SORCS1: variants seen among roughly 807,000 people sequenced by gnomAD.
SORCS1 encodes the protein VPS10 domain-containing receptor SorCS1.
SORCS1 carries 60 observed loss-of-function variants against 146.1 expected under a neutral mutation model. The ratio of observed to expected loss-of-function variants is 0.41; its 90% CI spans 0.33 to 0.51. The LOEUF is 0.51. Among genes scored for constraint, SORCS1 ranks in the 20% least tolerant of loss-of-function variants. SORCS1 has a pLI of 0.21. For synonymous variants in SORCS1, 637 were observed against 584.0 expected (o/e 1.09, Z -1.31); for missense variants, 1,352 against 1,487.6 (o/e 0.91, Z 1.50).
chr10:107,150,365 A>C (rs530317557), intron 1 of SORCS1, among the ~76,000 whole-genome samples: 71 of 152,298 alleles, frequency 4.7e-4, no homozygotes, highest in African/African-American at 1.4e-3. Flanking sequence ...CTCTTAAGAG[A>C]TTCTTAATAA....
At chr10:106,611,809 G>GGGTA in intron 22 of SORCS1, 102 bp downstream of exon 22, 1 of 573,684 alleles carries the variant, frequency 1.7e-6, no homozygotes, top group Non-Finnish European at 2.8e-6. Flanking sequence ...CTTCCTGCTG[G>GGGTA]GTTAGTTTGT....
intron 18 of SORCS1, among the ~76,000 whole-genome samples, chr10:106,641,814 T>A (rs1849087563): frequency 6.6e-6 from 1 of 152,012 alleles, no homozygotes; most frequent in African/African-American, 2.4e-5. Flanking sequence ...ATTTAGATAA[T>A]TTATTATTAA....
intron 6 of SORCS1, among the ~76,000 whole-genome samples, chr10:106,716,349 C>T (rs12267167): frequency 0.036 from 5,509 of 152,210 alleles, 295 homozygotes; most frequent in African/African-American, 0.12. Context: ...AGAAGGTCAT[C>T]AACCAAGCTC....
intron 24 of SORCS1, among the ~76,000 whole-genome samples, chr10:106,583,088 G>A (rs112480246): frequency 5.9e-5 from 9 of 152,226 alleles, no homozygotes; most frequent in South Asian, 2.1e-4. Context: ...AAATGGAGAC[G>A]AAACTAGTGT....
In SORCS1 at chr10:106,680,484, A is replaced by T. The variant is rs188347576; in HGVS notation, c.1561-750T>A. Reference sequence around the variant, plus strand: ...CAACTGACCCAGTATCTCTACCAGGATATTATCAGAATCAGAAATATTCAA... The same window carrying T: ...CAACTGACCCAGTATCTCTACCAGGTTATTATCAGAATCAGAAATATTCAA... On this transcript the variant is annotated intron_variant, in intron 10 of 25. Transcript: ENST00000263054. 2.4e-4 allele frequency among the ~76,000 whole-genome samples: 37 copies of T among 152,358 alleles called. No homozygotes were observed. In the East Asian group the frequency reaches 6.7e-3, roughly 28 times the overall value.
intron 6 of SORCS1, among the ~76,000 whole-genome samples, chr10:106,716,955 G>A (rs781057710): frequency 6.6e-6 from 1 of 151,922 alleles, no homozygotes; most frequent in Non-Finnish European, 1.5e-5. Flanking sequence ...GACCAACACA[G>A]CAAAAAAATA....
chr10:106,901,052 T>G (rs906190316), intron 2 of SORCS1, among the ~76,000 whole-genome samples: 6 of 152,182 alleles, frequency 3.9e-5, no homozygotes, highest in Non-Finnish European at 8.8e-5. Flanking sequence ...ATGGTGCCCT[T>G]GATTCAAAAG....
At chr10:107,037,338 T>C (rs981018647) in intron 1 of SORCS1, among the ~76,000 whole-genome samples, 1 of 152,226 alleles carries the variant, frequency 6.6e-6, no homozygotes, top group African/African-American at 2.4e-5. Flanking sequence ...ACACAAGTTA[T>C]GTAACTGGCT....
chr10:107,176,236 CCT>C, the SORCS1 span, among the ~76,000 whole-genome samples: 43 of 145,892 alleles, frequency 2.9e-4, no homozygotes, highest in African/African-American at 1.0e-3. Flanking sequence ...TCCCTCCTTC[CCT>C]GTTTTCCTTC....
At chr10:107,106,316 A>G (rs527976342) in intron 1 of SORCS1, among the ~76,000 whole-genome samples, 105 of 152,332 alleles carry the variant, frequency 6.9e-4, no homozygotes, top group Non-Finnish European at 1.4e-3. Context: ...CAGGTTGAGT[A>G]TCTCATTCTG....
At chr10:107,014,827 T>C (rs1159273983) in intron 1 of SORCS1, among the ~76,000 whole-genome samples, 1 of 152,250 alleles carries the variant, frequency 6.6e-6, no homozygotes, top group African/African-American at 2.4e-5. Context: ...TTGCATACAA[T>C]TTGATGAGTT....
rs547694550 is a variant in SORCS1 at position 106,573,877 on chromosome 10, TA to T, written c.*3542del. 2.5e-3 allele frequency: 369 copies of T among 146,240 alleles called. 2 individuals are homozygous for T. The East Asian group carries it at 0.027, about 11-fold the overall frequency. 9.1% of individuals were successfully genotyped at this position (146,240 alleles called of 1,614,324 possible). A position where few individuals can be genotyped will look rare whatever the true frequency, so the allele number is the denominator to read the frequency against. On this transcript the variant is annotated 3_prime_UTR_variant, in exon 26 of 26. Coordinates refer to ENST00000263054, the MANE Select transcript of SORCS1 (RefSeq NM_052918.5). Reference sequence around the variant, plus strand: ...AGAATGAACACCAAGGGTTTAGGATTAAAAAAAAAAATACCTGAGGCAAAGA... The same window carrying T: ...AGAATGAACACCAAGGGTTTAGGATTAAAAAAAAAATACCTGAGGCAAAGA...
intron 9 of SORCS1, among the ~76,000 whole-genome samples, chr10:106,697,798 C>CA (rs1853819922): frequency 6.6e-6 from 1 of 152,270 alleles, no homozygotes; most frequent in East Asian, 1.9e-4. Context: ...AGAATACATA[C>CA]AAGTGGCATC....
At chr10:106,860,242 T>A (rs541804862) in intron 2 of SORCS1, among the ~76,000 whole-genome samples, 1 of 152,366 alleles carries the variant, frequency 6.6e-6, no homozygotes, top group South Asian at 2.1e-4. Flanking sequence ...TTGTCAGTTA[T>A]AAGGGTAAAG....
intron 2 of SORCS1, among the ~76,000 whole-genome samples, chr10:106,832,570 C>G (rs552506913): frequency 2.8e-4 from 43 of 152,180 alleles, no homozygotes; most frequent in Non-Finnish European, 4.7e-4. Flanking sequence ...TTGTGTGTCT[C>G]CCGCATCTTG....
chr10:107,022,542 G>A (rs1241981898), intron 1 of SORCS1, among the ~76,000 whole-genome samples: 1 of 151,740 alleles, frequency 6.6e-6, no homozygotes, highest in Admixed American at 6.6e-5. Flanking sequence ...ACAAAGTAGT[G>A]AGCTCAAGAT....
At position 106,994,383 on chromosome 10, in the gene SORCS1, T is replaced by TATTCAGTA. The variant is rs1956908599; in HGVS notation, c.559-37811_559-37804dup. Reference sequence around the variant, plus strand: ...CTGTTTGTCTACCAGTATATGTTACTATTCAGTATGTAATTCAGTGCTAAG... The same window carrying TATTCAGTA: ...CTGTTTGTCTACCAGTATATGTTACTATTCAGTAATTCAGTATGTAATTCAGTGCTAAG... On this transcript the variant is annotated intron_variant, in intron 1 of 25. Coordinates refer to ENST00000263054, the MANE Select transcript of SORCS1 (RefSeq NM_052918.5). 2.0e-5 allele frequency among the ~76,000 whole-genome samples: 3 copies of TATTCAGTA among 152,298 alleles called. No homozygotes were observed. The South Asian group carries it at 6.2e-4, about 32-fold the overall frequency.
intron 6 of SORCS1, among the ~76,000 whole-genome samples, chr10:106,720,402 G>A (rs569665761): frequency 6.6e-6 from 1 of 151,102 alleles, no homozygotes; most frequent in East Asian, 1.9e-4. Flanking sequence ...TAAGAATAGT[G>A]TCTACCTCCA....
chr10:107,113,274 A>T (rs958055574), intron 1 of SORCS1, among the ~76,000 whole-genome samples: 8 of 152,208 alleles, frequency 5.3e-5, no homozygotes, highest in Non-Finnish European at 1.0e-4. Flanking sequence ...CAAAGAAAAA[A>T]ATCAAAATAG....
Sources: allele counts gnomAD v4.1 joint callset (sites outside exome capture counted in the v4.1 genomes callset), GRCh38; gene constraint gnomAD v4.1.1; transcripts MANE v1.5; gene names NCBI Gene and HGNC (gene_info 2026-07-23, HGNC 2026-07-21).